Variants in A2ML1 observed in about 807,000 individuals in gnomAD.
A2ML1 encodes the protein alpha-2-macroglobulin-like protein 1.
A neutral mutation model predicts 181.9 loss-of-function variants in A2ML1; 161 were observed. The ratio of observed to expected loss-of-function variants is 0.89; its 90% CI spans 0.78 to 1.01. The LOEUF is 1.01. Ranked by LOEUF, A2ML1 falls within the 50% of genes least tolerant of loss-of-function variation. The pLI, the probability that A2ML1 is intolerant of heterozygous loss-of-function variation, is 0.00. For missense variants in A2ML1, 1,670 were observed against 1,768.1 expected (o/e 0.94, Z 1.00); for synonymous variants, 663 against 666.8 (o/e 0.99, Z 0.09).
Position 8,852,818 on chromosome 12 carries a change from C to A in A2ML1, c.2590+482C>A, listed in dbSNP as rs1023549378. 1.3e-5 allele frequency among the ~76,000 whole-genome samples: 2 copies of A among 151,682 alleles called. No homozygotes were observed. The highest frequency in any genetic ancestry group is 2.9e-5 in the Non-Finnish European group (2 of 67,912). On this transcript the variant is annotated intron_variant, in intron 20 of 35. Coordinates refer to ENST00000299698, the MANE Select transcript of A2ML1 (RefSeq NM_144670.6). The surrounding 1 kb of genome is among the most constrained non-coding windows in gnomAD (Gnocchi z 4.2). Reference sequence around the variant, plus strand: ...TTCAAGTGATTCTCCTGCCAAGCCTCCCAAGTAGCTAGGATTACAGTCGCG... The same window carrying A: ...TTCAAGTGATTCTCCTGCCAAGCCTACCAAGTAGCTAGGATTACAGTCGCG...
In A2ML1 at chr12:8,849,669, G is replaced by T. The variant is rs774751293; in HGVS notation, c.2029G>T (p.Asp677Tyr). The change falls in exon 17 of 36, where the codon GAC (aspartate) becomes TAC (tyrosine). Residue 677 changes from aspartate to tyrosine, a missense_variant and splice_region_variant. Asp to Tyr is a radical substitution (Grantham distance 160). Coordinates refer to ENST00000299698, the MANE Select transcript of A2ML1 (RefSeq NM_144670.6). ...TACTTATTTCTCTGATGCCTATCAG[G>T]ACGTGGGCCTGAAAATACTGTCCAA... Reference protein sequence around the residue: ...EGTDLFSFFRDVGLKILSNAK... With the variant: ...EGTDLFSFFRYVGLKILSNAK... 6.2e-7 allele frequency: 1 copy of T among 1,614,078 alleles called. No individual in the cohort carries two copies. Among genetic ancestry groups the T allele is most frequent in the Admixed American group, 1.7e-5 (1 of 60,016 alleles).
Position 8,847,698 on chromosome 12 carries a change from TGTGA to T in A2ML1, c.1833+3_1833+6del, listed in dbSNP as rs1730793187. 6.2e-7 allele frequency: 1 copy of T among 1,607,852 alleles called. No individual in the cohort carries two copies. The highest frequency in any genetic ancestry group is 8.5e-7 in the Non-Finnish European group (1 of 1,177,814). ...CAGACAGAGAGCTGAGCAACCGCTC[TGTGA>T]GTAACTGTCTGCTGACAGAGTGGGA... On this transcript the variant is annotated splice_donor_variant and splice_donor_region_variant and intron_variant, in intron 15 of 35. Coordinates refer to ENST00000299698, the MANE Select transcript of A2ML1 (RefSeq NM_144670.6). LOFTEE classifies it high-confidence loss of function.
At chr12:8,882,651 G>A (rs1442625377) in intron 7 of A2ML1, among the ~76,000 whole-genome samples, 1 of 152,068 alleles carries the variant, frequency 6.6e-6, no homozygotes, top group African/African-American at 2.4e-5. Flanking sequence ...ATTGTGTCAG[G>A]TGATGTACTG....
At chr12:8,870,065 T>C (rs1256372449) in intron 33 of A2ML1, among the ~76,000 whole-genome samples, 1 of 152,208 alleles carries the variant, frequency 6.6e-6, no homozygotes, top group East Asian at 1.9e-4. Context: ...ATGTTCCTTT[T>C]CATGATATTC....
chr12:8,830,377 A>G (rs147015899), intron 4 of A2ML1, among the ~76,000 whole-genome samples: 20 of 150,478 alleles, frequency 1.3e-4, no homozygotes, highest in African/African-American at 4.9e-4. Context: ...AGTTTTCGCA[A>G]ACTTCAAGAC....
Position 8,873,223 on chromosome 12 carries a change from T to C in A2ML1, c.4222-1202T>C, listed in dbSNP as rs760647833. ...TTCCAATTAGGCGTTAATAGCGCTA[T>C]ATCTAAATTTATAATACGATTTTTT... is the stretch of plus-strand genomic sequence containing the variant. On this transcript the variant is annotated intron_variant, in intron 33 of 35. Transcript: ENST00000299698. 5.3e-5 allele frequency among the ~76,000 whole-genome samples: 8 copies of C among 151,308 alleles called. No homozygotes were observed. In the South Asian group the frequency reaches 1.7e-3, roughly 31 times the overall value.
chr12:8,856,589 G>T (rs1944070114), intron 23 of A2ML1, among the ~76,000 whole-genome samples: 1 of 152,172 alleles, frequency 6.6e-6, no homozygotes, highest in Non-Finnish European at 1.5e-5. Context: ...TTTGGAGGGT[G>T]AGGAACGTAC....
At position 8,823,811 on chromosome 12, in the gene A2ML1, T is replaced by A; in HGVS notation, c.338T>A (p.Val113Asp). ...NNISFEEKKK[V>D]LIQRQGNGTF... ...ATCAGCTTTGAGGAGAAGAAAAAGG[T>A]TCTAATTCAGAGGCAGGGGAACGGC... The change falls in exon 3 of 36, where the codon GTT (valine) becomes GAT (aspartate). Residue 113 changes from valine (V) to aspartate (D), a missense_variant. Coordinates refer to ENST00000299698, the MANE Select transcript of A2ML1 (RefSeq NM_144670.6). 7 of 1,613,946 alleles carry A rather than the reference T, an allele frequency of 4.3e-6. No homozygotes were observed. The highest frequency in any genetic ancestry group is 5.1e-6 in the Non-Finnish European group (6 of 1,179,990).
At chr12:8,826,863 C>T (rs1424215896) in intron 3 of A2ML1, among the ~76,000 whole-genome samples, 1 of 151,962 alleles carries the variant, frequency 6.6e-6, no homozygotes, top group Non-Finnish European at 1.5e-5. Flanking sequence ...AAGTTATCCT[C>T]CCCACTCAGC....
rs748190556 is a variant in A2ML1 at position 8,838,780 on chromosome 12, C to T, written c.970+330C>T. Among the ~76,000 whole-genome samples the T allele has an allele frequency of 4.7e-4, 72 of 151,696 alleles. No individual in the cohort carries two copies. In the South Asian group the frequency reaches 6.3e-3, roughly 13 times the overall value. On this transcript the variant is annotated intron_variant, in intron 9 of 35. Transcript: ENST00000299698. ...ACAAAAAATTAGCCGGGCATGGTGA[C>T]GGGGGCGCCTGTAGTCCCAGCTACT...
intron 4 of A2ML1, among the ~76,000 whole-genome samples, chr12:8,832,232 A>G (rs113505951): frequency 0.028 from 4,297 of 152,090 alleles, 210 homozygotes; most frequent in African/African-American, 0.097. Context: ...GTGTCAGCTG[A>G]TCCACTGAAT....
chr12:8,827,445 C>G (rs752929765), intron 3 of A2ML1, among the ~76,000 whole-genome samples: 1 of 152,284 alleles, frequency 6.6e-6, no homozygotes, highest in East Asian at 1.9e-4. Context: ...TCTTTAAAGT[C>G]AATACCTCTT....
chr12:8,870,175 C>A (rs1369681856), intron 33 of A2ML1, among the ~76,000 whole-genome samples: 3 of 152,200 alleles, frequency 2.0e-5, no homozygotes, highest in Non-Finnish European at 2.9e-5. Flanking sequence ...CCATTTCCAA[C>A]CCCCTGCCCA....
chr12:8,833,069 G>A (rs1943168762), intron 4 of A2ML1, among the ~76,000 whole-genome samples: 1 of 149,806 alleles, frequency 6.7e-6, no homozygotes. Flanking sequence ...CCCCTCCTGG[G>A]TTCAAAGGAT....
chr12:8,843,345 T>A lies in A2ML1; in HGVS notation c.1460T>A (p.Ile487Asn). The A allele has an allele frequency of 6.2e-7, 1 of 1,613,998 alleles. No homozygotes were observed. ...DPADASPDQE[I>N]SFSYYLIGKG... ...GCCGATGCAAGCCCTGACCAAGAGATCAGCTTCTCCTACTATGTGAGACCG... is the reference window on the plus strand; with the variant it reads ...GCCGATGCAAGCCCTGACCAAGAGAACAGCTTCTCCTACTATGTGAGACCG... The change falls in exon 12 of 36, where the codon ATC (isoleucine) becomes AAC (asparagine). Residue 487 changes from isoleucine to asparagine, a missense_variant. By Grantham distance (149) the Ile-to-Asn change is moderately radical. Transcript: ENST00000299698.
At chr12:8,851,301 T>G (rs1229907568) in intron 18 of A2ML1, among the ~76,000 whole-genome samples, 1 of 151,918 alleles carries the variant, frequency 6.6e-6, no homozygotes, top group Non-Finnish European at 1.5e-5. Context: ...ATAGTCCCCC[T>G]CCTCCGTATG....
exon 8 of A2ML1, chr12:8,886,963 G>A (rs1038109237): frequency 6.6e-6 from 1 of 151,984 alleles, no homozygotes; most frequent in South Asian, 2.1e-4. Context: ...GGGCAACACA[G>A]GGAGACTCAT....
At chr12:8,856,402 G>A (rs955511774) in intron 23 of A2ML1, among the ~76,000 whole-genome samples, 1 of 152,218 alleles carries the variant, frequency 6.6e-6, no homozygotes. Context: ...TCCTAGTACA[G>A]TTCCTGCAAC....
At position 8,836,312 on chromosome 12, in the gene A2ML1, A is replaced by G. The variant is rs992780546; in HGVS notation, c.701A>G (p.Glu234Gly). ...CCCAAGGAGTTATCAACGGTGCAGGAATCTTTCTTAGTAAAAATTTGTTGT... is the reference window on the plus strand; with the variant it reads ...CCCAAGGAGTTATCAACGGTGCAGGGATCTTTCTTAGTAAAAATTTGTTGT... ...VEPKELSTVQ[E>G]SFLVKICCRY... Residue 234 changes from glutamate (E) to glycine (G), a missense_variant, in exon 7 of 36, where the codon GAA becomes GGA. Coordinates refer to ENST00000299698, the MANE Select transcript of A2ML1 (RefSeq NM_144670.6). 58 of 1,613,990 alleles carry G rather than the reference A, an allele frequency of 3.6e-5. No individual in the cohort carries two copies. The highest frequency in any genetic ancestry group is 4.7e-5 in the Non-Finnish European group (56 of 1,180,034).
Sources: gnomAD v4.1 joint callset for allele counts (sites outside exome capture counted in the v4.1 genomes callset) on GRCh38, gnomAD v4.1.1 for gene constraint, Gnocchi (gnomAD v3.1) non-coding constraint, MANE v1.5 for transcripts, NCBI Gene and HGNC (gene_info 2026-07-23, HGNC 2026-07-21) for gene names.